NRXN3: variants seen among roughly 807,000 people sequenced by gnomAD.
The protein encoded by NRXN3 is neurexin 3.
Under a neutral mutation model 137.6 loss-of-function variants are expected in NRXN3, and 32 were observed. The observed-to-expected ratio is 0.23, with a 90% CI of 0.18 to 0.31. The LOEUF (loss-of-function observed/expected upper bound fraction) is 0.31. NRXN3 is among the 10% of genes least tolerant of loss of function. The pLI is 1.00. For synonymous variants in NRXN3, 798 were observed against 784.5 expected, an observed-to-expected ratio of 1.02 and a Z score of -0.29; for missense variants, 1,574 against 2,062.5, an observed-to-expected ratio of 0.76 and a Z score of 4.59.
chr14:78,651,330 A>G lies in NRXN3; in HGVS notation c.1221+4A>G, dbSNP rs201482852. ...CTTCATGGGCTGCCTTAAAGAGGTA[A>G]AGTTCACCCAATTCTATTTAATGCA... On this transcript the variant is annotated splice_donor_region_variant and intron_variant, in intron 6 of 20. Coordinates refer to ENST00000335750, the MANE Select transcript of NRXN3 (RefSeq NM_001330195.2). 2 of 1,613,676 alleles carry G rather than the reference A, an allele frequency of 1.2e-6. No individual in the cohort carries two copies. Among genetic ancestry groups the G allele is most frequent in the South Asian group, 2.2e-5 (2 of 91,032 alleles).
intron 10 of NRXN3, among the ~76,000 whole-genome samples, chr14:78,917,881 A>C (rs1309552192): frequency 6.6e-6 from 1 of 152,120 alleles, no homozygotes; most frequent in Non-Finnish European, 1.5e-5. Context: ...TGTACATTAC[A>C]AAGTCAATCT....
intron 1 of NRXN3, among the ~76,000 whole-genome samples, chr14:78,210,111 AG>A (rs1161057479): frequency 2.6e-5 from 4 of 152,246 alleles, no homozygotes; most frequent in Non-Finnish European, 5.9e-5. Flanking sequence ...TAGTCCGTTC[AG>A]GCTGCTATAG....
At chr14:79,033,223 C>T (rs2152498891) in intron 15 of NRXN3, among the ~76,000 whole-genome samples, 1 of 152,172 alleles carries the variant, frequency 6.6e-6, no homozygotes, top group East Asian at 1.9e-4. Flanking sequence ...GCAGGGTTAA[C>T]CTCTATCGTA....
intron 4 of NRXN3, among the ~76,000 whole-genome samples, chr14:78,491,062 G>T (rs558817426): frequency 2.6e-4 from 39 of 152,234 alleles, no homozygotes; most frequent in African/African-American, 9.4e-4. Flanking sequence ...GAAAAGAGTT[G>T]CATTGCTGGG....
At chr14:79,357,452 T>A (rs1203427209) in intron 15 of NRXN3, among the ~76,000 whole-genome samples, 3 of 152,158 alleles carry the variant, frequency 2.0e-5, no homozygotes, top group Non-Finnish European at 2.9e-5. Flanking sequence ...GGGTGGCCAA[T>A]CATTTAAGTT....
chr14:78,203,142 C>T (rs1047837086), intron 1 of NRXN3, among the ~76,000 whole-genome samples: 5 of 152,146 alleles, frequency 3.3e-5, no homozygotes, highest in Non-Finnish European at 5.9e-5. Flanking sequence ...AGGGCTTTCC[C>T]CTGGGAATGT....
intron 4 of NRXN3, among the ~76,000 whole-genome samples, chr14:78,538,582 T>C (rs2096558626): frequency 6.6e-6 from 1 of 152,204 alleles, no homozygotes; most frequent in Admixed American, 6.5e-5. Flanking sequence ...GACTTCCTCA[T>C]TGTGTAATTG....
At chr14:78,184,681 T>C (rs1457102498) in intron 1 of NRXN3, among the ~76,000 whole-genome samples, 1 of 152,144 alleles carries the variant, frequency 6.6e-6, no homozygotes, top group East Asian at 1.9e-4. Context: ...AGAGAGTGCA[T>C]AGAAATGTAA....
At chr14:79,235,730 A>T (rs562827525) in intron 15 of NRXN3, among the ~76,000 whole-genome samples, 4 of 152,216 alleles carry the variant, frequency 2.6e-5, no homozygotes, top group Non-Finnish European at 5.9e-5. Flanking sequence ...TCTTTAATCC[A>T]GAGTTGATTT....
At chr14:78,537,584 C>A (rs952880116) in intron 4 of NRXN3, among the ~76,000 whole-genome samples, 1 of 152,176 alleles carries the variant, frequency 6.6e-6, no homozygotes, top group African/African-American at 2.4e-5. Flanking sequence ...ATAGTAGTTT[C>A]TTTTGCCATG....
chr14:79,127,836 T>A (rs2152948122), intron 15 of NRXN3, among the ~76,000 whole-genome samples: 1 of 152,228 alleles, frequency 6.6e-6, no homozygotes, highest in African/African-American at 2.4e-5. Flanking sequence ...TTTGTTTGTA[T>A]CCTCTTTTAT....
At chr14:78,756,127 G>A (rs1157732479) in intron 8 of NRXN3, among the ~76,000 whole-genome samples, 2 of 152,222 alleles carry the variant, frequency 1.3e-5, no homozygotes, top group East Asian at 3.9e-4. Flanking sequence ...CCTAGACAAT[G>A]TTTATGTATT....
chr14:78,711,432 C>CTTTT (rs1254367279), intron 7 of NRXN3, among the ~76,000 whole-genome samples: 2,087 of 102,136 alleles, frequency 0.02, 68 homozygotes, highest in African/African-American at 0.047. Context: ...TAATTCTTTT[C>CTTTT]TCTTTTTTTT....
intron 15 of NRXN3, among the ~76,000 whole-genome samples, chr14:79,033,907 C>G (rs933037127): frequency 1.3e-5 from 2 of 152,066 alleles, no homozygotes; most frequent in Non-Finnish European, 2.9e-5. Context: ...GATGAGAATT[C>G]TTTTAGCTAT....
intron 19 of NRXN3, among the ~76,000 whole-genome samples, chr14:79,803,589 G>T (rs2099190483): frequency 6.6e-6 from 1 of 151,954 alleles, no homozygotes; most frequent in East Asian, 1.9e-4. Flanking sequence ...CCTCTTTAAG[G>T]CTTTGTATCA....
chr14:78,315,559 C>T (rs1365934398), intron 4 of NRXN3, among the ~76,000 whole-genome samples: 3 of 152,188 alleles, frequency 2.0e-5, no homozygotes, highest in Non-Finnish European at 4.4e-5. Flanking sequence ...ATATTTAAAA[C>T]AAGCTGCGTT....
intron 4 of NRXN3, among the ~76,000 whole-genome samples, chr14:78,512,027 G>T (rs1044764940): frequency 3.3e-5 from 5 of 152,126 alleles, no homozygotes; most frequent in African/African-American, 1.2e-4. Context: ...GACACACAGA[G>T]ACTTATTGTC....
chr14:79,860,646 G>T (rs1320123688), intron 20 of NRXN3, among the ~76,000 whole-genome samples: 6 of 152,266 alleles, frequency 3.9e-5, no homozygotes, highest in Non-Finnish European at 8.8e-5. Context: ...AATCTTAAAC[G>T]CATGTTAATA....
At chr14:78,709,148 C>T in intron 6 of NRXN3, 69 bp from the exon 7 acceptor site, 1 of 1,427,642 alleles carries the variant, frequency 7.0e-7, no homozygotes, top group Non-Finnish European at 9.5e-7. Context: ...TTCCAGGTGC[C>T]CAGTGAGTGA....
Sources: gnomAD v4.1 joint callset for allele counts (sites outside exome capture counted in the v4.1 genomes callset) on GRCh38, gnomAD v4.1.1 for gene constraint, MANE v1.5 for transcripts, NCBI Gene and HGNC (gene_info 2026-07-23, HGNC 2026-07-21) for gene names.